The following NRXN1 variants were observed in gnomAD, a reference collection of about 807,000 sequenced individuals.
NRXN1 encodes neurexin-1.
A neutral mutation model predicts 150.9 loss-of-function variants in NRXN1; 39 were observed. The observed-to-expected ratio is 0.26, with a 90% confidence interval of 0.20 to 0.34. The LOEUF is 0.34. NRXN1 is among the 10% of genes least tolerant of loss of function. The probability of loss-of-function intolerance (pLI) is 1.00; values close to 1 mark genes in which losing one functional copy is unlikely to be tolerated. For missense variants in NRXN1, 1,815 were observed against 1,949.9 expected (o/e 0.93, Z 1.30); for synonymous variants, 924 against 757.0 (o/e 1.22, Z -3.62).
chr2:50,139,735 T>C (rs1706987305), intron 18 of NRXN1, among the ~76,000 whole-genome samples: 1 of 152,198 alleles, frequency 6.6e-6, no homozygotes, highest in African/African-American at 2.4e-5. Flanking sequence ...TTAAATTTTC[T>C]TCTTACTCGA....
chr2:50,072,782 G>C (rs1299589057), intron 19 of NRXN1, among the ~76,000 whole-genome samples: 2 of 152,076 alleles, frequency 1.3e-5, no homozygotes, highest in East Asian at 1.9e-4. Flanking sequence ...CAGCAGGGCT[G>C]ACCACCTCCA....
rs1296744296 is a variant in NRXN1 at position 50,166,077 on chromosome 2, A to T, written c.3546+70712T>A. On this transcript the variant is annotated intron_variant, in intron 18 of 22. Coordinates refer to ENST00000401669, the MANE Select transcript of NRXN1 (RefSeq NM_001330078.2). ...GAGCAAGCCAAATCTAAAAATTTGA[A>T]ATCCAAAATGCTCCATAATCTGAAA... Among the ~76,000 whole-genome samples the T allele has an allele frequency of 4.6e-5, 7 of 152,144 alleles. No homozygotes were observed. In the East Asian group the frequency reaches 1.3e-3, roughly 29 times the overall value.
At chr2:50,846,368 A>T (rs1374823821) in intron 5 of NRXN1, among the ~76,000 whole-genome samples, 4 of 152,156 alleles carry the variant, frequency 2.6e-5, no homozygotes, top group Non-Finnish European at 4.4e-5. Context: ...TGCTCATTCA[A>T]ATCAATCTAC....
At chr2:50,944,355 C>G (rs1008285143) in intron 2 of NRXN1, among the ~76,000 whole-genome samples, 5 of 152,136 alleles carry the variant, frequency 3.3e-5, no homozygotes, top group African/African-American at 1.2e-4. Flanking sequence ...TAATGTGACA[C>G]TGGGAAGGTC....
chr2:50,646,967 A>T (rs1320694663), intron 5 of NRXN1, among the ~76,000 whole-genome samples: 1 of 151,832 alleles, frequency 6.6e-6, no homozygotes, highest in Admixed American at 6.6e-5. Flanking sequence ...GAATATTTCT[A>T]ATGAAGATGT....
intron 5 of NRXN1, among the ~76,000 whole-genome samples, chr2:50,921,134 A>G (rs1207315832): frequency 6.6e-6 from 1 of 151,838 alleles, no homozygotes. Flanking sequence ...ACTATTCTAT[A>G]TGTTTGCCAC....
chr2:50,313,040 T>C (rs1003246611), intron 17 of NRXN1, among the ~76,000 whole-genome samples: 72 of 151,972 alleles, frequency 4.7e-4, no homozygotes, highest in African/African-American at 1.7e-3. Flanking sequence ...ATAACAACAT[T>C]ATATATGGGT....
chr2:50,152,276 T>C (rs1242300998), intron 18 of NRXN1, among the ~76,000 whole-genome samples: 1 of 151,862 alleles, frequency 6.6e-6, no homozygotes, highest in Non-Finnish European at 1.5e-5. Flanking sequence ...AGGTACATTA[T>C]ATAAGTAGAA....
chr2:51,017,576 GGT>G (rs1668921206), intron 2 of NRXN1, among the ~76,000 whole-genome samples: 1 of 125,876 alleles, frequency 7.9e-6, no homozygotes, highest in African/African-American at 3.2e-5. Flanking sequence ...CGCCTGGTCT[GGT>G]ACTCTTGGAC....
At chr2:50,372,956 T>G (rs2080135612) in intron 17 of NRXN1, among the ~76,000 whole-genome samples, 1 of 152,062 alleles carries the variant, frequency 6.6e-6, no homozygotes. Flanking sequence ...AATGACATAT[T>G]TTAGTCTCCA....
chr2:50,015,087 C>T (rs746486665), intron 21 of NRXN1, among the ~76,000 whole-genome samples: 1 of 151,992 alleles, frequency 6.6e-6, no homozygotes, highest in Non-Finnish European at 1.5e-5. Flanking sequence ...TTTTTAGTGC[C>T]TCTCTCATCA....
chr2:50,057,099 C>G (rs1382974520), intron 19 of NRXN1, among the ~76,000 whole-genome samples: 1 of 152,166 alleles, frequency 6.6e-6, no homozygotes, highest in Admixed American at 6.6e-5. Context: ...AATATCTAAT[C>G]ATGTCACTTG....
At chr2:50,593,228 T>G (rs545703111) in intron 8 of NRXN1, among the ~76,000 whole-genome samples, 2 of 152,218 alleles carry the variant, frequency 1.3e-5, no homozygotes, top group Non-Finnish European at 2.9e-5. Context: ...CCCAATCTTA[T>G]GTAAATGCAC....
chr2:50,417,200 G>T (rs918110916), intron 17 of NRXN1: 1 of 152,032 alleles, frequency 6.6e-6, no homozygotes. Flanking sequence ...GTATCTGCCT[G>T]CCTCCTCAAC....
intron 21 of NRXN1, among the ~76,000 whole-genome samples, chr2:49,988,620 A>T (rs1195654313): frequency 5.1e-5 from 1 of 19,784 alleles, no homozygotes; most frequent in Non-Finnish European, 1.9e-4. Context: ...GTTAACTATT[A>T]AAAAAAAAAA....
At chr2:50,452,868 T>A (rs1047120534) in intron 17 of NRXN1, among the ~76,000 whole-genome samples, 1 of 152,182 alleles carries the variant, frequency 6.6e-6, no homozygotes, top group African/African-American at 2.4e-5. Flanking sequence ...TAGAGAAATG[T>A]ACACTTGGAT....
intron 2 of NRXN1, among the ~76,000 whole-genome samples, chr2:51,003,773 T>C (rs943527139): frequency 6.6e-6 from 1 of 151,910 alleles, no homozygotes; most frequent in Admixed American, 6.6e-5. Context: ...GAAGGAAAAG[T>C]TGACTAATTG....
At chr2:50,996,794 C>A (rs906342305) in intron 2 of NRXN1, among the ~76,000 whole-genome samples, 2 of 152,016 alleles carry the variant, frequency 1.3e-5, no homozygotes, top group African/African-American at 4.8e-5. Context: ...TCATCTTCTA[C>A]TATTGTAGAA....
chr2:49,979,230 G>A (rs528431371), intron 21 of NRXN1, among the ~76,000 whole-genome samples: 28 of 152,278 alleles, frequency 1.8e-4, no homozygotes, highest in Non-Finnish European at 3.7e-4. Context: ...CCAGGAGGTG[G>A]AGGTTGCAGT....
Sources: allele counts gnomAD v4.1 joint callset (sites outside exome capture counted in the v4.1 genomes callset), GRCh38; gene constraint gnomAD v4.1.1; transcripts MANE v1.5; gene names NCBI Gene and HGNC (gene_info 2026-07-23, HGNC 2026-07-21).